The following KCNAB1 variants were observed in gnomAD, a reference collection of about 807,000 sequenced individuals.
KCNAB1 encodes potassium voltage-gated channel subfamily A regulatory beta subunit 1.
Under a neutral mutation model 64.6 loss-of-function variants are expected in KCNAB1, and 35 were observed. That is an observed-to-expected ratio of 0.54 (90% CI 0.41 to 0.72). The LOEUF is 0.72. Ranked by LOEUF, KCNAB1 falls within the 30% of genes least tolerant of loss-of-function variation. The pLI is 0.00. For synonymous variants in KCNAB1, 177 were observed against 183.8 expected, an observed-to-expected ratio of 0.96 and a Z score of 0.30; for missense variants, 401 against 512.9, an observed-to-expected ratio of 0.78 and a Z score of 2.11.
intron 1 of KCNAB1, among the ~76,000 whole-genome samples, chr3:156,217,412 G>A (rs903176045): frequency 4.6e-5 from 7 of 152,100 alleles, no homozygotes; most frequent in African/African-American, 1.7e-4. Flanking sequence ...AAACTAGAGT[G>A]ATATACGAAA....
chr3:156,531,368 G>A (rs1718691032), intron 12 of KCNAB1, 41 bp from the exon 13 acceptor site: 1 of 1,409,430 alleles, frequency 7.1e-7, no homozygotes, highest in Non-Finnish European at 1.0e-6. Flanking sequence ...TCAACGATTG[G>A]AAGTGCTTTG....
intron 1 of KCNAB1, among the ~76,000 whole-genome samples, chr3:156,220,347 A>C (rs912449571): frequency 2.0e-5 from 3 of 149,846 alleles, no homozygotes; most frequent in Non-Finnish European, 4.5e-5. Flanking sequence ...GTGTAAAAGC[A>C]TTCCTATTTC....
intron 1 of KCNAB1, among the ~76,000 whole-genome samples, chr3:156,206,732 A>T (rs1469584161): frequency 6.6e-6 from 1 of 152,220 alleles, no homozygotes; most frequent in Non-Finnish European, 1.5e-5. Context: ...GCGTTTATGA[A>T]AAGATGGGAA....
intron 1 of KCNAB1, among the ~76,000 whole-genome samples, chr3:156,230,630 G>A (rs2108433933): frequency 6.6e-6 from 1 of 152,174 alleles, no homozygotes; most frequent in South Asian, 2.1e-4. Flanking sequence ...GAGAGAGAGA[G>A]AAAACAAAGA....
At chr3:156,442,081 T>G (rs1300385751) in intron 2 of KCNAB1, among the ~76,000 whole-genome samples, 6 of 152,232 alleles carry the variant, frequency 3.9e-5, no homozygotes, top group African/African-American at 1.4e-4. Context: ...TTATTTTATT[T>G]TAAATTTCCC....
intron 1 of KCNAB1, among the ~76,000 whole-genome samples, chr3:156,156,792 G>C (rs1213712756): frequency 2.6e-5 from 4 of 152,150 alleles, no homozygotes; most frequent in Non-Finnish European, 1.5e-5. Context: ...AAGTTCATGG[G>C]AGTGGTATGG....
chr3:156,387,750 T>A (rs2095308577), intron 1 of KCNAB1, among the ~76,000 whole-genome samples: 1 of 152,206 alleles, frequency 6.6e-6, no homozygotes, highest in Non-Finnish European at 1.5e-5. Context: ...TGAATCAGTG[T>A]TTTAGACCAA....
At chr3:156,169,152 A>C (rs1418906686) in intron 1 of KCNAB1, among the ~76,000 whole-genome samples, 1 of 152,224 alleles carries the variant, frequency 6.6e-6, no homozygotes, top group Non-Finnish European at 1.5e-5. Flanking sequence ...ATAAGTTCCC[A>C]AAAGCAACAT....
chr3:156,410,959 C>T (rs1714611860), intron 1 of KCNAB1, among the ~76,000 whole-genome samples: 1 of 152,146 alleles, frequency 6.6e-6, no homozygotes, highest in Admixed American at 6.5e-5. Flanking sequence ...TTGGTAAATA[C>T]TTAGGAATGA....
intron 5 of KCNAB1, among the ~76,000 whole-genome samples, chr3:156,462,170 A>G (rs1043876108): frequency 6.6e-6 from 1 of 152,236 alleles, no homozygotes; most frequent in South Asian, 2.1e-4. Context: ...AGTTGCTCTA[A>G]TAGCCTCTGT....
chr3:156,180,973 G>C (rs1231471055), intron 1 of KCNAB1, among the ~76,000 whole-genome samples: 1 of 152,170 alleles, frequency 6.6e-6, no homozygotes, highest in Non-Finnish European at 1.5e-5. Flanking sequence ...GGTATGGGCA[G>C]GGTAGGGTTC....
At chr3:156,145,986 T>C (rs1224484244) in intron 1 of KCNAB1, among the ~76,000 whole-genome samples, 1 of 152,204 alleles carries the variant, frequency 6.6e-6, no homozygotes, top group African/African-American at 2.4e-5. Flanking sequence ...CTGAGAGGTC[T>C]GGAAGAGCCG....
At chr3:156,121,005 A>G in intron 1 of KCNAB1, 119 bp downstream of exon 1, 1 of 1,183,714 alleles carries the variant, frequency 8.4e-7, no homozygotes, top group Non-Finnish European at 1.2e-6. Flanking sequence ...TGCCTTAGAG[A>G]TGATTGGCAC....
intron 1 of KCNAB1, among the ~76,000 whole-genome samples, chr3:156,205,924 GT>G (rs1212197481): frequency 1.3e-5 from 2 of 152,218 alleles, no homozygotes; most frequent in Admixed American, 6.5e-5. Context: ...TAGTCCTGTT[GT>G]TCCTAGAAGA....
At chr3:156,515,046 C>T (rs878868050) in intron 9 of KCNAB1, 54 bp from the exon 10 acceptor site, 85 of 1,501,792 alleles carry the variant, frequency 5.7e-5, no homozygotes, top group Non-Finnish European at 7.0e-5. Context: ...CAAATTACAG[C>T]GAAGCCTTAT....
At chr3:156,180,534 CAT>C (rs1712732910) in intron 1 of KCNAB1, among the ~76,000 whole-genome samples, 1 of 152,136 alleles carries the variant, frequency 6.6e-6, no homozygotes, top group Non-Finnish European at 1.5e-5. Context: ...AAAATTATGA[CAT>C]GTTTATTACT....
At chr3:156,498,489 T>G (rs542128648) in intron 8 of KCNAB1, among the ~76,000 whole-genome samples, 54 of 152,312 alleles carry the variant, frequency 3.5e-4, no homozygotes, top group South Asian at 2.1e-3. Context: ...AACCTCTCTT[T>G]TCTTTGCCTG....
At chr3:156,296,223 A>G (rs1720767078) in intron 1 of KCNAB1, among the ~76,000 whole-genome samples, 1 of 152,164 alleles carries the variant, frequency 6.6e-6, no homozygotes, top group South Asian at 2.1e-4. Flanking sequence ...GTTAAGGCAC[A>G]TTGGGTTGTT....
chr3:156,516,264 C>T lies in KCNAB1; in HGVS notation c.866-6C>T. 2 of 1,610,306 alleles carry T rather than the reference C, an allele frequency of 1.2e-6. No individual in the cohort carries two copies. The highest frequency in any genetic ancestry group is 2.7e-5 in the African/African-American group (2 of 74,952). On this transcript the variant is annotated splice_region_variant and splice_polypyrimidine_tract_variant and intron_variant, in intron 10 of 13. Transcript: ENST00000490337. ...CAAGCAACTTTCTAAGTTTTTTCTT[C>T]TGTAGGTGTTGGCGCAATGACATGG...
Sources: gnomAD v4.1 joint callset for allele counts (sites outside exome capture counted in the v4.1 genomes callset) on GRCh38, gnomAD v4.1.1 for gene constraint, MANE v1.5 for transcripts, NCBI Gene and HGNC (gene_info 2026-07-23, HGNC 2026-07-21) for gene names.